Variants in HDAC8 observed in about 807,000 individuals in gnomAD.
HDAC8 encodes the protein histone deacetylase 8.
HDAC8 carries 1 observed loss-of-function variant against 32.2 expected under a neutral mutation model. The observed-to-expected ratio is 0.03, with a 90% CI of 0.01 to 0.15. The LOEUF (loss-of-function observed/expected upper bound fraction) is 0.15. Ranked by LOEUF, HDAC8 falls within the 10% of genes least tolerant of loss-of-function variation. The probability of loss-of-function intolerance (pLI) is 1.00; values close to 1 mark genes in which losing one functional copy is unlikely to be tolerated. For synonymous variants in HDAC8, 108 were observed against 113.9 expected (o/e 0.95, Z 0.33); for missense variants, 117 against 300.0 (o/e 0.39, Z 4.51).
At chrX:72,495,323 T>C in intron 4 of HDAC8, 55 bp from the exon 5 acceptor site, 1 of 800,827 alleles carries the variant, frequency 1.2e-6, no homozygotes, top group South Asian at 2.4e-5. Context: ...CAAGGGAGTC[T>C]TTACAGCCAA....
Position 72,462,073 on chromosome X carries a change from A to C in HDAC8, c.936T>G (p.Ala312=), listed in dbSNP as rs1348991441. 2 of 1,206,893 alleles carry C rather than the reference A, an allele frequency of 1.7e-6. No individual in the cohort carries two copies. Among genetic ancestry groups the C allele is most frequent in the African/African-American group, 3.5e-5 (2 of 56,991 alleles). Residue 312 remains alanine, a synonymous_variant, in exon 9 of 11, where the codon GCT becomes GCG. Coordinates refer to ENST00000373573, the MANE Select transcript of HDAC8 (RefSeq NM_018486.3). ...GGGGYNLANT[A]RCWTYLTGVI... is the part of the protein sequence containing the mutation. ...CCCCGGTCAAGTATGTCCAGCATCG[A>C]GCCGTGTTGGCAAGGTTATAGCCTC... is the stretch of plus-strand genomic sequence containing the variant.
chrX:72,351,192 T>C (rs939541959), intron 10 of HDAC8: 3 of 187,430 alleles, frequency 1.6e-5, no homozygotes, highest in Non-Finnish European at 3.0e-5. Context: ...CTCAACCTCT[T>C]GGGCTCAAGG....
intron 9 of HDAC8, among the ~76,000 whole-genome samples, chrX:72,394,991 G>A (rs1033870500): frequency 2.7e-5 from 3 of 111,235 alleles, no homozygotes; most frequent in African/African-American, 9.8e-5. Flanking sequence ...CACCAGCATC[G>A]ACTAAAGAAC....
intron 9 of HDAC8, among the ~76,000 whole-genome samples, chrX:72,361,112 A>G (rs2044536628): frequency 9.0e-6 from 1 of 111,328 alleles, no homozygotes; most frequent in South Asian, 3.8e-4. Flanking sequence ...TTGCTGGAAT[A>G]GAAACCTGGT....
intron 4 of HDAC8, among the ~76,000 whole-genome samples, chrX:72,501,661 A>G (rs1447867708): frequency 8.9e-6 from 1 of 112,305 alleles, no homozygotes; most frequent in African/African-American, 3.2e-5. Context: ...CCAAAACTAT[A>G]AAAACCCTGG....
At chrX:72,387,018 C>G (rs782636193) in intron 9 of HDAC8, among the ~76,000 whole-genome samples, 9 of 112,171 alleles carry the variant, frequency 8.0e-5, no homozygotes, top group Middle Eastern at 4.7e-3. Context: ...GCAGGGACCT[C>G]TCTTTCTTGA....
chrX:72,388,013 TA>T (rs2045496269), intron 9 of HDAC8, among the ~76,000 whole-genome samples: 1 of 109,784 alleles, frequency 9.1e-6, no homozygotes, highest in African/African-American at 3.3e-5. Flanking sequence ...GAAGGAAGAG[TA>T]GGACTTCATC....
chrX:72,441,396 C>T (rs1291674135), intron 9 of HDAC8, among the ~76,000 whole-genome samples: 2 of 112,190 alleles, frequency 1.8e-5, no homozygotes, highest in Non-Finnish European at 3.8e-5. Context: ...CACTCTTCTG[C>T]AGCCACCGCT....
Position 72,489,024 on chromosome X carries a change from C to G in HDAC8, c.646G>C (p.Asp216His). 1.7e-6 allele frequency: 2 copies of G among 1,187,925 alleles called. No individual in the cohort carries two copies. Among genetic ancestry groups the G allele is most frequent in the Non-Finnish European group, 2.3e-6 (2 of 879,109 alleles). Residue 216 changes from aspartate (D) to histidine (H), a missense_variant, in exon 7 of 11, where the codon GAT becomes CAT. Coordinates refer to ENST00000373573, the MANE Select transcript of HDAC8 (RefSeq NM_018486.3). Reference sequence around the variant, plus strand: ...TACCGTCCCTTCCCTAGGCCAACATCAGACACGTCACCTGTTCCTATAAAA... The same window carrying G: ...TACCGTCCCTTCCCTAGGCCAACATGAGACACGTCACCTGTTCCTATAAAA... ...GFFPGTGDVS[D>H]VGLGKGRYYS...
chrX:72,491,174 C>T lies in HDAC8; in HGVS notation c.551-168G>A, dbSNP rs781925112. On this transcript the variant is annotated intron_variant, in intron 5 of 10. Coordinates refer to ENST00000373573, the MANE Select transcript of HDAC8 (RefSeq NM_018486.3). ...AATACGAACCTCTGGTCTCTAATCTCGTAATTACAAGATGAGGTAGAACTT... is the reference window on the plus strand; with the variant it reads ...AATACGAACCTCTGGTCTCTAATCTTGTAATTACAAGATGAGGTAGAACTT... Among the ~76,000 whole-genome samples, 5 of 111,782 alleles carry T rather than the reference C, an allele frequency of 4.5e-5. No individual in the cohort carries two copies. In the South Asian group the frequency reaches 1.5e-3, roughly 34 times the overall value.
intron 9 of HDAC8, among the ~76,000 whole-genome samples, chrX:72,412,131 A>G (rs1294815773): frequency 8.9e-6 from 1 of 112,038 alleles, no homozygotes; most frequent in Non-Finnish European, 1.9e-5. Context: ...TCAGTCCACA[A>G]TGAAATAAGA....
At chrX:72,508,771 C>T (rs1209739990) in intron 4 of HDAC8, among the ~76,000 whole-genome samples, 2 of 112,158 alleles carry the variant, frequency 1.8e-5, no homozygotes, top group African/African-American at 6.5e-5. Context: ...AGAGTCCTCA[C>T]GAGAAAAAAG....
intron 9 of HDAC8, among the ~76,000 whole-genome samples, chrX:72,362,129 A>G (rs372853605): frequency 4.2e-4 from 47 of 111,283 alleles, no homozygotes; most frequent in African/African-American, 1.4e-3. Flanking sequence ...GTGATCCCCA[A>G]TGTTGGAGGT....
At chrX:72,436,836 A>G (rs1262314667) in intron 9 of HDAC8, among the ~76,000 whole-genome samples, 1 of 111,883 alleles carries the variant, frequency 8.9e-6, no homozygotes, top group African/African-American at 3.2e-5. Context: ...AAGGGAGGTA[A>G]GGTTTCTTTA....
chrX:72,476,169 A>G (rs941005086), intron 7 of HDAC8, among the ~76,000 whole-genome samples: 3 of 111,268 alleles, frequency 2.7e-5, no homozygotes, highest in Non-Finnish European at 3.8e-5. Context: ...GCACCTTACC[A>G]GTGGCCTGAA....
At chrX:72,361,061 G>A (rs73551100) in intron 9 of HDAC8, among the ~76,000 whole-genome samples, 9,401 of 111,100 alleles carry the variant, frequency 0.085, 467 homozygotes, top group African/African-American at 0.18. Flanking sequence ...GATGCTACAT[G>A]TGGAGGTGAA....
intron 9 of HDAC8, among the ~76,000 whole-genome samples, chrX:72,439,973 T>C (rs782528773): frequency 1.8e-4 from 20 of 111,823 alleles, no homozygotes; most frequent in Non-Finnish European, 3.4e-4. Context: ...ACCAAGTGGA[T>C]CTAATAGACA....
intron 4 of HDAC8, among the ~76,000 whole-genome samples, chrX:72,559,647 A>C: frequency 2.4e-5 from 2 of 84,209 alleles, no homozygotes; most frequent in Non-Finnish European, 4.7e-5. Flanking sequence ...CCGGCCGCCC[A>C]TCGTCTGAGA....
intron 5 of HDAC8, among the ~76,000 whole-genome samples, chrX:72,494,375 A>G (rs782705391): frequency 1.8e-5 from 2 of 111,101 alleles, no homozygotes; most frequent in African/African-American, 6.5e-5. Flanking sequence ...TGAAAAAAAA[A>G]AAATCCCTGG....
Sources: gnomAD v4.1 joint callset for allele counts (sites outside exome capture counted in the v4.1 genomes callset) on GRCh38, gnomAD v4.1.1 for gene constraint, MANE v1.5 for transcripts, NCBI Gene and HGNC (gene_info 2026-07-23, HGNC 2026-07-21) for gene names.